The following MORN5 variants were observed in gnomAD, a reference collection of about 807,000 sequenced individuals.
MORN5 encodes the protein MORN repeat-containing protein 5.
MORN5 carries 21 observed loss-of-function variants against 22.1 expected under a neutral mutation model. The observed-to-expected ratio is 0.95, with a 90% CI of 0.67 to 1.37. MORN5 has a LOEUF of 1.37. Among genes scored for constraint, MORN5 ranks in the 40% most tolerant of loss-of-function variants. The pLI is 0.00. For synonymous variants in MORN5, 73 were observed against 74.0 expected (o/e 0.99, Z 0.07); for missense variants, 211 against 215.1 (o/e 0.98, Z 0.12).
intron 4 of MORN5, among the ~76,000 whole-genome samples, chr9:122,196,951 C>T (rs1309739847): frequency 6.6e-6 from 1 of 152,132 alleles, no homozygotes; most frequent in East Asian, 1.9e-4. Context: ...TTATAGTATC[C>T]ACCTCCCCGA....
chr9:122,170,852 A>G (rs7866808), intron 3 of MORN5, among the ~76,000 whole-genome samples: 18,171 of 152,188 alleles, frequency 0.12, 2,540 homozygotes, highest in African/African-American at 0.33. Context: ...GGAGAGGGAT[A>G]GTATTAGGAG....
At chr9:122,190,241 C>A (rs1239956144) in intron 4 of MORN5, among the ~76,000 whole-genome samples, 2 of 152,246 alleles carry the variant, frequency 1.3e-5, no homozygotes, top group Non-Finnish European at 2.9e-5. Context: ...TTAGGCCTAA[C>A]TTTGGAGACC....
intron 4 of MORN5, among the ~76,000 whole-genome samples, chr9:122,187,465 T>C (rs913932): frequency 0.45 from 68,976 of 151,842 alleles, 16,403 homozygotes; most frequent in African/African-American, 0.55. Flanking sequence ...CTTTGTTGAG[T>C]CCCTGCATCC....
At chr9:122,167,002 G>C (rs953307223) in intron 2 of MORN5, 87 bp downstream of exon 2, 9 of 1,321,628 alleles carry the variant, frequency 6.8e-6, no homozygotes, top group Non-Finnish European at 9.3e-6. Flanking sequence ...CTCCCTGTCT[G>C]GTGCCCACCT....
intron 2 of MORN5, among the ~76,000 whole-genome samples, chr9:122,169,041 G>A (rs1829328978): frequency 6.6e-6 from 1 of 152,120 alleles, no homozygotes; most frequent in African/African-American, 2.4e-5. Context: ...CAAGGAAGAT[G>A]GATGTCCCAG....
intron 4 of MORN5, chr9:122,174,997 T>C: frequency 2.3e-6 from 1 of 433,664 alleles, no homozygotes; most frequent in Non-Finnish European, 3.1e-6. Flanking sequence ...CCCTTCCTTG[T>C]GGAGCTTGCA....
chr9:122,176,582 T>G (rs563413649), intron 4 of MORN5, among the ~76,000 whole-genome samples: 2 of 152,136 alleles, frequency 1.3e-5, no homozygotes, highest in East Asian at 3.9e-4. Context: ...AGTGTTCAGT[T>G]AGAAAAATGG....
intron 4 of MORN5, among the ~76,000 whole-genome samples, chr9:122,186,546 C>T (rs1450014505): frequency 2.0e-5 from 3 of 152,148 alleles, no homozygotes; most frequent in African/African-American, 7.2e-5. Context: ...GGAATAACAG[C>T]CTACCCAGCT....
intron 4 of MORN5, among the ~76,000 whole-genome samples, chr9:122,179,948 G>C (rs536592094): frequency 3.3e-4 from 50 of 152,338 alleles, no homozygotes; most frequent in African/African-American, 1.2e-3. Flanking sequence ...GTAAACACAG[G>C]GGCCTCAGCC....
intron 4 of MORN5, among the ~76,000 whole-genome samples, chr9:122,180,970 G>A (rs1829530490): frequency 6.6e-6 from 1 of 152,180 alleles, no homozygotes; most frequent in Admixed American, 6.5e-5. Flanking sequence ...CAGGCAGGCA[G>A]AGCACCTGCT....
intron 4 of MORN5, among the ~76,000 whole-genome samples, chr9:122,192,020 G>A (rs910903747): frequency 4.6e-5 from 7 of 152,216 alleles, no homozygotes; most frequent in South Asian, 2.1e-4. Context: ...ACCAAGGGCC[G>A]TTCATCCTGG....
chr9:122,167,222 A>G lies in MORN5; in HGVS notation c.195+307A>G, dbSNP rs190426228. Among the ~76,000 whole-genome samples, 3 of 146,948 alleles carry G rather than the reference A, an allele frequency of 2.0e-5. No individual in the cohort carries two copies. The East Asian group carries it at 6.2e-4, about 30-fold the overall frequency. ...ACCACCATGCCCAGCTAATTTTTGT[A>G]TTTTTAGTAGAGATTGGGTTTCACC... On this transcript the variant is annotated intron_variant, in intron 2 of 4. Transcript: ENST00000373764.
chr9:122,172,258 G>C (rs1454054874), intron 3 of MORN5, among the ~76,000 whole-genome samples: 1 of 151,492 alleles, frequency 6.6e-6, no homozygotes, highest in Non-Finnish European at 1.5e-5. Context: ...ACCATGCCCG[G>C]CCGCTTACAT....
chr9:122,178,415 G>C (rs1226441273), intron 4 of MORN5, among the ~76,000 whole-genome samples: 1 of 152,152 alleles, frequency 6.6e-6, no homozygotes, highest in East Asian at 1.9e-4. Flanking sequence ...CTTGAACCCA[G>C]GAGGCAGAGG....
At chr9:122,182,661 G>C (rs1311637834) in intron 4 of MORN5, among the ~76,000 whole-genome samples, 2 of 152,230 alleles carry the variant, frequency 1.3e-5, no homozygotes, top group East Asian at 3.8e-4. Flanking sequence ...TGAGGCAGGA[G>C]AATTGCTTGA....
intron 4 of MORN5, among the ~76,000 whole-genome samples, chr9:122,177,469 G>T (rs1310306502): frequency 6.6e-6 from 1 of 152,066 alleles, no homozygotes; most frequent in Non-Finnish European, 1.5e-5. Flanking sequence ...TTTCACTCTT[G>T]TTGCCCAGCT....
intron 4 of MORN5, among the ~76,000 whole-genome samples, chr9:122,177,304 G>A (rs1045340937): frequency 3.3e-5 from 5 of 152,242 alleles, no homozygotes; most frequent in African/African-American, 9.6e-5. Context: ...AGAAAGGGGC[G>A]TATCTTTGTC....
intron 1 of MORN5, among the ~76,000 whole-genome samples, chr9:122,165,090 T>A (rs1449897021): frequency 6.6e-6 from 1 of 152,220 alleles, no homozygotes; most frequent in Non-Finnish European, 1.5e-5. Flanking sequence ...GACAGAGGTA[T>A]TAGCAAAAGC....
At chr9:122,175,162 G>A (rs1026929024) in intron 4 of MORN5, among the ~76,000 whole-genome samples, 1 of 152,180 alleles carries the variant, frequency 6.6e-6, no homozygotes, top group Non-Finnish European at 1.5e-5. Flanking sequence ...ATCAAATCCC[G>A]AAGCGGTTAG....
Sources: allele counts gnomAD v4.1 joint callset (sites outside exome capture counted in the v4.1 genomes callset), GRCh38; gene constraint gnomAD v4.1.1; transcripts MANE v1.5; gene names NCBI Gene and HGNC (gene_info 2026-07-23, HGNC 2026-07-21).